The following RAB38 variants were observed in gnomAD, a reference collection of about 807,000 sequenced individuals.
The protein encoded by RAB38 is RAB38, member RAS oncogene family.
RAB38 carries 15 observed loss-of-function variants against 18.4 expected under a neutral mutation model. The observed-to-expected ratio is 0.82, with a 90% CI of 0.55 to 1.26. The LOEUF is 1.26. Among genes scored for constraint, RAB38 ranks in the 50% most tolerant of loss-of-function variants. The probability of loss-of-function intolerance (pLI) is 0.00; values close to 1 mark genes in which losing one functional copy is unlikely to be tolerated. For missense variants in RAB38, 294 were observed against 267.4 expected, an observed-to-expected ratio of 1.10 and a Z score of -0.69; for synonymous variants, 101 against 104.4, an observed-to-expected ratio of 0.97 and a Z score of 0.20.
At chr11:87,942,494 C>G in the RAB38 span, among the ~76,000 whole-genome samples, 12 of 152,112 alleles carry the variant, frequency 7.9e-5, no homozygotes, top group Non-Finnish European at 1.0e-4. Context: ...GCTTAGGTTG[C>G]CTGCTCTCAT....
At chr11:88,042,691 G>T in the RAB38 span, among the ~76,000 whole-genome samples, 1 of 152,210 alleles carries the variant, frequency 6.6e-6, no homozygotes, top group Non-Finnish European at 1.5e-5. Context: ...GGCTGCCTAG[G>T]AAGTTTTCAC....
intron 2 of RAB38, among the ~76,000 whole-genome samples, chr11:88,145,331 T>G (rs1462152386): frequency 6.6e-6 from 1 of 152,058 alleles, no homozygotes; most frequent in Non-Finnish European, 1.5e-5. Context: ...GTATTTTTAG[T>G]AGAGACGGGG....
chr11:87,813,428 C>A, the RAB38 span, among the ~76,000 whole-genome samples: 1 of 151,666 alleles, frequency 6.6e-6, no homozygotes, highest in African/African-American at 2.4e-5. Flanking sequence ...GAAAAATAAG[C>A]AGATAAAAAG....
chr11:87,951,497 G>C, the RAB38 span, among the ~76,000 whole-genome samples: 2 of 143,352 alleles, frequency 1.4e-5, no homozygotes, highest in Admixed American at 7.1e-5. Flanking sequence ...TGGTTTTTCT[G>C]CTCTGTTTTT....
At chr11:88,044,690 CT>C in the RAB38 span, among the ~76,000 whole-genome samples, 4 of 152,156 alleles carry the variant, frequency 2.6e-5, no homozygotes, top group Admixed American at 2.6e-4. Context: ...TCTGTAGTCT[CT>C]GTTCCCAATG....
At chr11:87,968,072 G>T in the RAB38 span, among the ~76,000 whole-genome samples, 9 of 152,102 alleles carry the variant, frequency 5.9e-5, no homozygotes, top group African/African-American at 2.2e-4. Context: ...CCTCTTGTTT[G>T]TATTATTTGG....
the RAB38 span, among the ~76,000 whole-genome samples, chr11:88,014,630 C>G: frequency 0.049 from 7,492 of 152,128 alleles, 205 homozygotes; most frequent in Middle Eastern, 0.11. Flanking sequence ...TCCCATCACC[C>G]ATACCTACCC....
chr11:88,065,568 G>C, the RAB38 span, among the ~76,000 whole-genome samples: 1 of 152,220 alleles, frequency 6.6e-6, no homozygotes, highest in Non-Finnish European at 1.5e-5. Context: ...GCATTTCATA[G>C]TAGGGAACAG....
chr11:88,123,366 G>A (rs1402648370), intron 2 of RAB38, among the ~76,000 whole-genome samples: 1 of 152,150 alleles, frequency 6.6e-6, no homozygotes, highest in Non-Finnish European at 1.5e-5. Context: ...GAATGAACAA[G>A]GACTTTGGAA....
chr11:87,951,711 G>C, the RAB38 span, among the ~76,000 whole-genome samples: 5 of 152,056 alleles, frequency 3.3e-5, no homozygotes. Context: ...GCAGAACAGC[G>C]GATATTGGTG....
chr11:88,125,903 G>A (rs1210874287), intron 2 of RAB38, among the ~76,000 whole-genome samples: 1 of 152,198 alleles, frequency 6.6e-6, no homozygotes, highest in Non-Finnish European at 1.5e-5. Flanking sequence ...TAAGGTGTAA[G>A]GAAGGGATCC....
the RAB38 span, among the ~76,000 whole-genome samples, chr11:88,003,996 T>C: frequency 7.5e-6 from 1 of 132,610 alleles, no homozygotes; most frequent in African/African-American, 2.8e-5. Flanking sequence ...GGTATATATA[T>C]ATATAAAAAA....
At chr11:87,927,109 C>A in the RAB38 span, among the ~76,000 whole-genome samples, 3 of 152,046 alleles carry the variant, frequency 2.0e-5, no homozygotes, top group Admixed American at 6.6e-5. Flanking sequence ...CAGGTGGTGA[C>A]TGCTCAGAAA....
chr11:87,943,819 A>G, the RAB38 span, among the ~76,000 whole-genome samples: 1 of 152,158 alleles, frequency 6.6e-6, no homozygotes, highest in Non-Finnish European at 1.5e-5. Flanking sequence ...CAGTAAGTCT[A>G]AGGAAAAGAA....
chr11:87,862,652 A>G, the RAB38 span, among the ~76,000 whole-genome samples: 1 of 151,888 alleles, frequency 6.6e-6, no homozygotes, highest in Non-Finnish European at 1.5e-5. Flanking sequence ...TGTACCCCTG[A>G]ACTTAAACAA....
chr11:88,061,081 C>G, the RAB38 span, among the ~76,000 whole-genome samples: 53 of 152,054 alleles, frequency 3.5e-4, no homozygotes, highest in African/African-American at 1.3e-3. Flanking sequence ...TATCCGTGCC[C>G]TACAATGATA....
chr11:88,160,777 C>T (rs958130721), intron 1 of RAB38, among the ~76,000 whole-genome samples: 2 of 152,066 alleles, frequency 1.3e-5, no homozygotes, highest in Admixed American at 6.6e-5. Context: ...GGGAGCTATA[C>T]ATCAGGTAAC....
chr11:87,886,219 A>G, the RAB38 span, among the ~76,000 whole-genome samples: 1 of 151,602 alleles, frequency 6.6e-6, no homozygotes, highest in African/African-American at 2.4e-5. Context: ...ACTTTTTCTC[A>G]TTCCTTTGAC....
At chr11:87,874,525 G>A in the RAB38 span, among the ~76,000 whole-genome samples, 2 of 151,394 alleles carry the variant, frequency 1.3e-5, no homozygotes, top group African/African-American at 4.8e-5. Context: ...GGGAGGGATA[G>A]CATTAGGAGG....
Sources: gnomAD v4.1 joint callset for allele counts (sites outside exome capture counted in the v4.1 genomes callset) on GRCh38, gnomAD v4.1.1 for gene constraint, MANE v1.5 for transcripts, NCBI Gene and HGNC (gene_info 2026-07-23, HGNC 2026-07-21) for gene names.